Variants in AUTS2 observed in about 807,000 individuals in gnomAD.
AUTS2 encodes the protein activator of transcription and developmental regulator AUTS2.
A neutral mutation model predicts 112.4 loss-of-function variants in AUTS2; 17 were observed. The ratio of observed to expected loss-of-function variants is 0.15; its 90% CI spans 0.10 to 0.23. The LOEUF (loss-of-function observed/expected upper bound fraction) is 0.23, where lower values mean the gene tolerates loss of function less well. AUTS2 is among the 10% of genes least tolerant of loss of function. The pLI is 1.00. For missense variants in AUTS2, 1,510 were observed against 1,701.6 expected (o/e 0.89, Z 1.98); for synonymous variants, 751 against 702.7 (o/e 1.07, Z -1.09).
intron 1 of AUTS2, among the ~76,000 whole-genome samples, chr7:69,747,881 A>AT (rs1370640077): frequency 1.3e-5 from 2 of 151,812 alleles, no homozygotes; most frequent in African/African-American, 4.8e-5. Context: ...CTGTTAGGCC[A>AT]TTTTTTAAAT....
At position 69,695,863 on chromosome 7, in the gene AUTS2, C is replaced by T. The variant is rs191807366; in HGVS notation, c.309+95901C>T. ...TAAAAAAAATCTTTATTTTTAAGCA[C>T]GGTTTCTTGGTCAGTAGCTTCTGTA... On this transcript the variant is annotated intron_variant, in intron 1 of 18. Coordinates refer to ENST00000342771, the MANE Select transcript of AUTS2 (RefSeq NM_015570.4). Among the ~76,000 whole-genome samples the T allele has an allele frequency of 4.9e-4, 74 of 152,180 alleles. 1 individual carries two copies. Among genetic ancestry groups the T allele is most frequent in the African/African-American group, 1.7e-3 (71 of 41,528 alleles).
At chr7:69,681,215 C>T (rs531151573) in intron 1 of AUTS2, among the ~76,000 whole-genome samples, 31 of 152,280 alleles carry the variant, frequency 2.0e-4, no homozygotes, top group East Asian at 1.3e-3. Context: ...TCTATGAACA[C>T]GAGTGTGCAA....
At chr7:70,784,588 T>A (rs1791305955) in intron 15 of AUTS2, 1 of 204,836 alleles carries the variant, frequency 4.9e-6, no homozygotes, top group Non-Finnish European at 9.7e-6. Context: ...CCAAATTTAC[T>A]TGGTTATAAA....
At chr7:70,778,847 G>A (rs1790877196) in intron 14 of AUTS2, among the ~76,000 whole-genome samples, 1 of 152,202 alleles carries the variant, frequency 6.6e-6, no homozygotes, top group African/African-American at 2.4e-5. Context: ...GATGTGGTTA[G>A]TGGAACGGTA....
At chr7:70,727,168 A>G (rs1787086561) in intron 6 of AUTS2, among the ~76,000 whole-genome samples, 1 of 152,250 alleles carries the variant, frequency 6.6e-6, no homozygotes, top group Admixed American at 6.5e-5. Context: ...ATTCAAAGGT[A>G]GCTTTCCGAT....
intron 1 of AUTS2, among the ~76,000 whole-genome samples, chr7:69,887,513 T>G (rs1429224943): frequency 6.6e-6 from 1 of 152,038 alleles, no homozygotes; most frequent in African/African-American, 2.4e-5. Flanking sequence ...ATTTTACACT[T>G]ATCACTTACG....
intron 2 of AUTS2, among the ~76,000 whole-genome samples, chr7:69,968,490 A>G (rs1033161392): frequency 3.3e-5 from 5 of 152,190 alleles, no homozygotes; most frequent in Admixed American, 2.0e-4. Context: ...CCACATCCAT[A>G]TGTGTCACTT....
intron 5 of AUTS2, among the ~76,000 whole-genome samples, chr7:70,579,502 C>A (rs1397923460): frequency 6.6e-6 from 1 of 152,042 alleles, no homozygotes; most frequent in Non-Finnish European, 1.5e-5. Flanking sequence ...TGCTTTATTT[C>A]ATGAGAAATC....
At chr7:69,687,991 A>G (rs561112116) in intron 1 of AUTS2, among the ~76,000 whole-genome samples, 3 of 152,354 alleles carry the variant, frequency 2.0e-5, no homozygotes, top group African/African-American at 4.8e-5. Flanking sequence ...TGCGAGCAGT[A>G]AAAATATGTA....
At chr7:70,749,347 C>CTGGGCGGCACGGGGAGGGGGGTCCGCGAA (rs1396847414) in intron 6 of AUTS2, among the ~76,000 whole-genome samples, 3 of 152,062 alleles carry the variant, frequency 2.0e-5, no homozygotes, top group African/African-American at 4.8e-5. Flanking sequence ...TGGGGCAGGG[C>CTGGGCGGCACGGGGAGGGGGGTCCGCGAA]TGGGCGGCAC....
intron 5 of AUTS2, among the ~76,000 whole-genome samples, chr7:70,504,640 G>A (rs556190132): frequency 1.3e-5 from 2 of 152,290 alleles, no homozygotes; most frequent in South Asian, 4.2e-4. Context: ...CTTCTCCTTT[G>A]ATATATTAAG....
chr7:69,849,684 A>C (rs934578004), intron 1 of AUTS2, among the ~76,000 whole-genome samples: 10 of 152,034 alleles, frequency 6.6e-5, no homozygotes, highest in Admixed American at 6.6e-4. Flanking sequence ...ATATACATTA[A>C]ATCATACAGT....
chr7:69,909,152 A>G (rs1182998176), intron 2 of AUTS2, among the ~76,000 whole-genome samples: 2 of 152,250 alleles, frequency 1.3e-5, no homozygotes, highest in African/African-American at 4.8e-5. Flanking sequence ...AATTTTATCA[A>G]TAATTGGATC....
At chr7:70,673,958 A>G (rs771686690) in intron 5 of AUTS2, among the ~76,000 whole-genome samples, 4 of 152,240 alleles carry the variant, frequency 2.6e-5, no homozygotes, top group African/African-American at 4.8e-5. Context: ...CGTATCCTAC[A>G]GATAGGATCC....
chr7:69,691,591 G>A (rs1797348478), intron 1 of AUTS2, among the ~76,000 whole-genome samples: 1 of 152,104 alleles, frequency 6.6e-6, no homozygotes. Context: ...CAGGTGCCGG[G>A]AGTGGGGAGA....
intron 2 of AUTS2, among the ~76,000 whole-genome samples, chr7:70,004,324 A>AAT (rs1203810626): frequency 2.4e-5 from 3 of 125,232 alleles, no homozygotes; most frequent in Non-Finnish European, 5.0e-5. Flanking sequence ...TTATATATAT[A>AAT]ATATATATAT....
chr7:70,342,530 G>T (rs1438439993), intron 4 of AUTS2, among the ~76,000 whole-genome samples: 1 of 152,122 alleles, frequency 6.6e-6, no homozygotes, highest in East Asian at 1.9e-4. Flanking sequence ...TACCTGCACT[G>T]TCCAATACAG....
At chr7:69,608,571 T>G (rs377080831) in intron 1 of AUTS2, among the ~76,000 whole-genome samples, 2 of 152,228 alleles carry the variant, frequency 1.3e-5, no homozygotes, top group East Asian at 3.8e-4. Context: ...TTAAATGTTG[T>G]TTAGCGAAAT....
At chr7:70,005,200 A>G (rs568365498) in intron 2 of AUTS2, among the ~76,000 whole-genome samples, 1 of 152,082 alleles carries the variant, frequency 6.6e-6, no homozygotes, top group South Asian at 2.1e-4. Context: ...TGAACCTGTG[A>G]TATTTTTTTC....
Sources: allele counts gnomAD v4.1 joint callset (sites outside exome capture counted in the v4.1 genomes callset), GRCh38; gene constraint gnomAD v4.1.1; transcripts MANE v1.5; gene names NCBI Gene and HGNC (gene_info 2026-07-23, HGNC 2026-07-21).